Variants in MDGA2 observed in about 807,000 individuals in gnomAD.
MDGA2 encodes the protein MAM domain-containing glycosylphosphatidylinositol anchor protein 2.
In MDGA2, 40 loss-of-function variants were observed where a neutral mutation model predicts 117.8. The observed-to-expected ratio is 0.34, with a 90% CI of 0.26 to 0.44. The LOEUF is 0.44. MDGA2 is among the 20% of genes least tolerant of loss of function. The pLI, the probability that MDGA2 is intolerant of heterozygous loss-of-function variation, is 1.00. For missense variants in MDGA2, 1,123 were observed against 1,250.6 expected, an observed-to-expected ratio of 0.90 and a Z score of 1.54; for synonymous variants, 452 against 439.0, an observed-to-expected ratio of 1.03 and a Z score of -0.37.
intron 3 of MDGA2, chr14:47,200,754 C>A: frequency 3.5e-6 from 3 of 862,232 alleles, no homozygotes; most frequent in East Asian, 5.0e-5. Flanking sequence ...TTCCAGCCAA[C>A]CTCGTGAGCC....
chr14:47,012,403 C>T (rs1887925911), intron 8 of MDGA2, among the ~76,000 whole-genome samples: 1 of 151,908 alleles, frequency 6.6e-6, no homozygotes, highest in African/African-American at 2.4e-5. Flanking sequence ...TTTCAAATAC[C>T]AATTTAGTGT....
intron 8 of MDGA2, among the ~76,000 whole-genome samples, chr14:46,982,444 C>T (rs1886708511): frequency 6.6e-6 from 1 of 151,972 alleles, no homozygotes; most frequent in African/African-American, 2.4e-5. Context: ...GGCATGGTGG[C>T]TCATGCCTGT....
intron 1 of MDGA2, among the ~76,000 whole-genome samples, chr14:47,426,089 A>G (rs1892683169): frequency 6.6e-6 from 1 of 152,096 alleles, no homozygotes; most frequent in South Asian, 2.1e-4. Flanking sequence ...TTTATTTTGT[A>G]GAGTATATAA....
At chr14:47,289,727 G>A (rs1341481567) in intron 2 of MDGA2, among the ~76,000 whole-genome samples, 1 of 151,990 alleles carries the variant, frequency 6.6e-6, no homozygotes, top group East Asian at 1.9e-4. Context: ...GAAACGCCCT[G>A]ATAATCTTCA....
chr14:47,025,710 CAA>C (rs11454541), intron 8 of MDGA2, among the ~76,000 whole-genome samples: 6 of 141,882 alleles, frequency 4.2e-5, no homozygotes, highest in African/African-American at 1.1e-4. Context: ...TTCTCCACCA[CAA>C]AAAAAAAAAA....
intron 5 of MDGA2, among the ~76,000 whole-genome samples, chr14:47,128,658 T>A (rs1031488031): frequency 6.6e-6 from 1 of 151,888 alleles, no homozygotes; most frequent in Non-Finnish European, 1.5e-5. Context: ...TCCACTAAGA[T>A]TTTATATTTC....
chr14:46,969,385 A>G (rs1169421256), intron 8 of MDGA2, among the ~76,000 whole-genome samples: 2 of 152,062 alleles, frequency 1.3e-5, no homozygotes, highest in Admixed American at 1.3e-4. Context: ...AAGTGTTCCT[A>G]TTTCTCCACA....
intron 1 of MDGA2, among the ~76,000 whole-genome samples, chr14:47,454,958 G>A (rs937395662): frequency 2.0e-5 from 3 of 152,152 alleles, no homozygotes; most frequent in African/African-American, 4.8e-5. Context: ...TAACCACAGT[G>A]GAGAAGTGGA....
chr14:46,934,807 A>G (rs999363445), intron 9 of MDGA2, among the ~76,000 whole-genome samples: 2 of 152,190 alleles, frequency 1.3e-5, no homozygotes, highest in African/African-American at 2.4e-5. Context: ...TATTAAAAAA[A>G]TCATTTCATT....
chr14:46,989,540 A>C (rs566980165), intron 8 of MDGA2, among the ~76,000 whole-genome samples: 1 of 152,192 alleles, frequency 6.6e-6, no homozygotes, highest in African/African-American at 2.4e-5. Context: ...TAAATATTAC[A>C]TCAACTTTAA....
intron 7 of MDGA2, among the ~76,000 whole-genome samples, chr14:47,038,623 G>A (rs999916077): frequency 6.6e-6 from 1 of 151,922 alleles, no homozygotes. Context: ...GCAAAATCTA[G>A]CTAAAAGATT....
At chr14:47,441,388 C>A (rs148422621) in intron 1 of MDGA2, among the ~76,000 whole-genome samples, 1 of 152,232 alleles carries the variant, frequency 6.6e-6, no homozygotes, top group African/African-American at 2.4e-5. Flanking sequence ...GACTGAAATT[C>A]CACTGACCAA....
At chr14:47,647,659 G>A (rs375651099) in intron 1 of MDGA2, among the ~76,000 whole-genome samples, 1 of 152,108 alleles carries the variant, frequency 6.6e-6, no homozygotes, top group East Asian at 1.9e-4. Context: ...TAATATTGGG[G>A]TGGGCAGGTG....
chr14:47,059,450 T>A (rs1594577339), intron 7 of MDGA2: 1 of 470,558 alleles, frequency 2.1e-6, no homozygotes, highest in South Asian at 2.0e-5. Context: ...TTATTACTAA[T>A]CTTGAATTTT....
At chr14:47,498,001 T>C (rs1353178292) in intron 1 of MDGA2, among the ~76,000 whole-genome samples, 1 of 152,170 alleles carries the variant, frequency 6.6e-6, no homozygotes, top group Non-Finnish European at 1.5e-5. Flanking sequence ...TACAATGTAA[T>C]TCACAAAAAT....
intron 6 of MDGA2, among the ~76,000 whole-genome samples, chr14:47,077,218 G>A (rs190813527): frequency 6.6e-6 from 1 of 152,124 alleles, no homozygotes; most frequent in East Asian, 1.9e-4. Context: ...AATGGCTACA[G>A]GCAGGCATGC....
intron 8 of MDGA2, among the ~76,000 whole-genome samples, chr14:46,974,349 T>C (rs1886375906): frequency 6.6e-6 from 1 of 151,582 alleles, no homozygotes; most frequent in African/African-American, 2.4e-5. Context: ...CCCAATGGCA[T>C]TTTTTTTGGC....
intron 1 of MDGA2, among the ~76,000 whole-genome samples, chr14:47,460,538 A>G: frequency 6.6e-6 from 1 of 152,214 alleles, no homozygotes; most frequent in South Asian, 2.1e-4. Flanking sequence ...AGGGAAAAAG[A>G]TATATAAATT....
In MDGA2 at chr14:46,955,621, A is replaced by C. The variant is rs183403719; in HGVS notation, c.2089+1753T>G. ...TTAGCCCCTTACTCTAACATACATC[A>C]TAAACATAGAATTTTAAAAGAAGAA... On this transcript the variant is annotated intron_variant, in intron 9 of 16. Coordinates refer to ENST00000399232, the MANE Select transcript of MDGA2 (RefSeq NM_001113498.3). Among the ~76,000 whole-genome samples the C allele has an allele frequency of 3.9e-3, 587 of 152,108 alleles. 7 individuals carry two copies. The highest frequency in any genetic ancestry group is 0.014 in the African/African-American group (576 of 41,544).
Sources: gnomAD v4.1 joint callset for allele counts (sites outside exome capture counted in the v4.1 genomes callset) on GRCh38, gnomAD v4.1.1 for gene constraint, MANE v1.5 for transcripts, NCBI Gene and HGNC (gene_info 2026-07-23, HGNC 2026-07-21) for gene names.